The following SLC36A1 variants were observed in gnomAD, a reference collection of about 807,000 sequenced individuals.
The protein encoded by SLC36A1 is solute carrier family 36 member 1, also known as proton-coupled amino acid transporter 1.
Under a neutral mutation model 47.5 loss-of-function variants are expected in SLC36A1, and 30 were observed. That is an observed-to-expected ratio of 0.63 (90% confidence interval 0.47 to 0.86). The LOEUF (loss-of-function observed/expected upper bound fraction) is 0.86, where lower values mean the gene tolerates loss of function less well. Ranked by LOEUF, SLC36A1 falls within the 40% of genes least tolerant of loss-of-function variation. The probability of loss-of-function intolerance (pLI) is 0.00; values close to 1 mark genes in which losing one functional copy is unlikely to be tolerated. For synonymous variants in SLC36A1, 255 were observed against 249.7 expected, an observed-to-expected ratio of 1.02 and a Z score of -0.20; for missense variants, 517 against 606.0, an observed-to-expected ratio of 0.85 and a Z score of 1.54.
At chr5:151,497,967 C>T in the SLC36A1 span, among the ~76,000 whole-genome samples, 15 of 148,058 alleles carry the variant, frequency 1.0e-4, no homozygotes, top group Admixed American at 4.7e-4. Context: ...TTTTTTGAGA[C>T]GAAGTCTTGC....
the SLC36A1 span, chr5:151,521,824 G>A: frequency 1.9e-6 from 3 of 1,614,168 alleles, no homozygotes; most frequent in Admixed American, 1.7e-5. Flanking sequence ...CAGGCCCTGG[G>A]CGGCGATAAT....
rs1758175026 is a variant in SLC36A1, at chr5:151,477,086, A to G, written c.989+330A>G. 7.5e-6 allele frequency: 3 copies of G among 401,234 alleles called. No homozygotes were observed. The Admixed American group carries it at 9.9e-5, about 13-fold the overall frequency. 24.9% of individuals were successfully genotyped at this position (401,234 alleles called of 1,614,324 possible). On this transcript the variant is annotated intron_variant, in intron 9 of 10. Transcript: ENST00000243389. ...CAGGGAGATGGGAGGGCAAACCTGC[A>G]TTTGATTCCCAGCATCGGTTGTGCC...
At chr5:151,495,494 A>T (rs1292265639), downstream of SLC36A1, among the ~76,000 whole-genome samples, 2 of 152,090 alleles carry the variant, frequency 1.3e-5, no homozygotes, top group Non-Finnish European at 2.9e-5. Flanking sequence ...CAATCCATAG[A>T]GCTGATTCAG....
At chr5:151,542,360 C>T in the SLC36A1 span, 14 of 1,614,100 alleles carry the variant, frequency 8.7e-6, no homozygotes, top group African/African-American at 1.3e-5. Flanking sequence ...GCCACCAGTT[C>T]GCCAGGCTCA....
the SLC36A1 span, among the ~76,000 whole-genome samples, chr5:151,429,114 A>G: frequency 2.6e-5 from 4 of 152,182 alleles, no homozygotes; most frequent in East Asian, 7.7e-4. Context: ...GCTTATCCCT[A>G]TGGCCTCATT....
At chr5:151,554,427 C>T in the SLC36A1 span, 15 of 1,614,104 alleles carry the variant, frequency 9.3e-6, no homozygotes, top group South Asian at 2.2e-5. Flanking sequence ...GTGACCAGGT[C>T]GATACTGAAG....
chr5:151,529,388 G>C, the SLC36A1 span: 1 of 1,613,586 alleles, frequency 6.2e-7, no homozygotes. Context: ...TGACATACAG[G>C]ATCCCTGAAG....
chr5:151,449,956 CAGATGTCCACTTATTACTAGCAT>C (rs1178884302), intron 1 of SLC36A1, among the ~76,000 whole-genome samples: 7 of 98,866 alleles, frequency 7.1e-5, no homozygotes, highest in African/African-American at 2.3e-4. Context: ...ATGGATGGAG[CAGATGTCCACTTATTACTAGCAT>C]GTGGGATGGA....
intron 1 of SLC36A1, among the ~76,000 whole-genome samples, chr5:151,449,022 G>T (rs1198111632): frequency 2.0e-5 from 3 of 152,154 alleles, no homozygotes; most frequent in African/African-American, 7.2e-5. Context: ...AAAGTATTGC[G>T]ATTACAGGGG....
At chr5:151,497,100 T>TTTTC (rs917295574), downstream of SLC36A1, among the ~76,000 whole-genome samples, 3 of 152,290 alleles carry the variant, frequency 2.0e-5, no homozygotes, top group East Asian at 1.9e-4. Context: ...TGTCTATCTC[T>TTTTC]TTTCTTTCTT....
chr5:151,487,773 C>T (rs577560366), intron 10 of SLC36A1, among the ~76,000 whole-genome samples: 2 of 152,290 alleles, frequency 1.3e-5, no homozygotes, highest in South Asian at 4.2e-4. Flanking sequence ...ATCCGGGTTC[C>T]GGTCCCAGTT....
At chr5:151,522,042 G>A in the SLC36A1 span, 1 of 1,607,686 alleles carries the variant, frequency 6.2e-7, no homozygotes, top group Non-Finnish European at 8.5e-7. Context: ...CATGGACACG[G>A]ACAGACGTCA....
At chr5:151,451,427 ATCTG>A (rs1753650273) in intron 1 of SLC36A1, among the ~76,000 whole-genome samples, 1 of 152,060 alleles carries the variant, frequency 6.6e-6, no homozygotes, top group South Asian at 2.1e-4. Context: ...AAGTTAGGAA[ATCTG>A]TCTGTGGGTT....
At chr5:151,505,670 C>T in the SLC36A1 span, 4 of 1,614,034 alleles carry the variant, frequency 2.5e-6, no homozygotes, top group African/African-American at 5.3e-5. Flanking sequence ...GAGGTGCCCC[C>T]TCCACCTCAC....
the SLC36A1 span, among the ~76,000 whole-genome samples, chr5:151,346,498 G>A: frequency 6.6e-6 from 1 of 151,986 alleles, no homozygotes; most frequent in Non-Finnish European, 1.5e-5. Context: ...CTTAGAGAAG[G>A]AGCAGAGAAA....
the SLC36A1 span, among the ~76,000 whole-genome samples, chr5:151,415,334 G>A: frequency 6.6e-6 from 1 of 152,120 alleles, no homozygotes; most frequent in South Asian, 2.1e-4. Flanking sequence ...TTGCCTACAA[G>A]TCACTGAGTG....
the SLC36A1 span, among the ~76,000 whole-genome samples, chr5:151,430,346 T>TTTTTTTTGG: frequency 6.7e-6 from 1 of 148,438 alleles, no homozygotes. Flanking sequence ...TTTTTTTTTT[T>TTTTTTTTGG]GAGACTGAGC....
At chr5:151,402,609 A>T in the SLC36A1 span, among the ~76,000 whole-genome samples, 2 of 152,146 alleles carry the variant, frequency 1.3e-5, no homozygotes, top group African/African-American at 2.4e-5. Context: ...CTGTAAATCC[A>T]TCTGGTCTAG....
In SLC36A1 at chr5:151,464,537, C is replaced by T. The variant is rs1199861806; in HGVS notation, c.258C>T (p.Ile86=). 5 of 1,613,934 alleles carry T rather than the reference C, an allele frequency of 3.1e-6. No homozygotes were observed. In the African/African-American group the frequency reaches 6.7e-5, roughly 22 times the overall value. ...GIVMGPISLL[I]IGIVAVHCMG... is the part of the protein sequence containing the mutation. ...AGATGGGTCCCATCAGCCTGCTGATCATAGGCATCGTGGCCGTGCACTGCA... is the reference window on the plus strand; with the variant it reads ...AGATGGGTCCCATCAGCCTGCTGATTATAGGCATCGTGGCCGTGCACTGCA... Residue 86 remains isoleucine, a synonymous_variant, in exon 4 of 11, where the codon ATC becomes ATT. Coordinates refer to ENST00000243389, the MANE Select transcript of SLC36A1 (RefSeq NM_078483.4).
Sources: gnomAD v4.1 joint callset for allele counts (sites outside exome capture counted in the v4.1 genomes callset) on GRCh38, gnomAD v4.1.1 for gene constraint, MANE v1.5 for transcripts, NCBI Gene and HGNC (gene_info 2026-07-23, HGNC 2026-07-21) for gene names.